The following MAOA variants were observed in gnomAD, a reference collection of about 807,000 sequenced individuals.
MAOA encodes the protein amine oxidase [flavin-containing] A.
In MAOA, 6 loss-of-function variants were observed where a neutral mutation model predicts 42.0. That is an observed-to-expected ratio of 0.14 (90% confidence interval 0.08 to 0.28). MAOA has a LOEUF of 0.28. Ranked by LOEUF, MAOA falls within the 10% of genes least tolerant of loss-of-function variation. MAOA has a pLI of 1.00. For missense variants in MAOA, 262 were observed against 422.3 expected (o/e 0.62, Z 3.33); for synonymous variants, 140 against 154.0 (o/e 0.91, Z 0.67).
At chrX:43,673,328 C>A (rs1569190487) in intron 1 of MAOA, among the ~76,000 whole-genome samples, 1 of 110,455 alleles carries the variant, frequency 9.1e-6, no homozygotes, top group African/African-American at 3.3e-5. Context: ...ATTCTTCTCT[C>A]TTTTTTTCTT....
intron 13 of MAOA, 57 bp downstream of exon 13, chrX:43,743,962 CT>C: frequency 8.5e-7 from 1 of 1,171,498 alleles, no homozygotes; most frequent in Non-Finnish European, 1.1e-6. Flanking sequence ...TTTTTGGCAT[CT>C]GGTCTTGCTA....
At chrX:43,696,735 C>CAA (rs752514840) in intron 3 of MAOA, among the ~76,000 whole-genome samples, 5 of 41,624 alleles carry the variant, frequency 1.2e-4, no homozygotes, top group Admixed American at 9.2e-4. Flanking sequence ...GACTCCGTCT[C>CAA]AAAAAAAAAA....
chrX:43,725,339 A>C (rs1327320137), intron 5 of MAOA, among the ~76,000 whole-genome samples: 1 of 111,938 alleles, frequency 8.9e-6, no homozygotes, highest in Non-Finnish European at 1.9e-5. Flanking sequence ...TTGCTTTACG[A>C]ACCTGGATGT....
intron 3 of MAOA, among the ~76,000 whole-genome samples, chrX:43,702,297 G>C (rs769179962): frequency 1.8e-5 from 2 of 111,984 alleles, no homozygotes; most frequent in East Asian, 5.6e-4. Context: ...CTGGGCCACA[G>C]AGTTTTAGTA....
At chrX:43,705,542 G>T (rs2033653071) in intron 3 of MAOA, among the ~76,000 whole-genome samples, 1 of 111,623 alleles carries the variant, frequency 9.0e-6, no homozygotes. Context: ...ATCTCTGTGA[G>T]TTAGGCAGTG....
In MAOA at chrX:43,711,994, T is replaced by C; in HGVS notation, c.411+18T>C. 9.6e-7 allele frequency: 1 copy of C among 1,041,883 alleles called. No homozygotes were observed. The highest frequency in any genetic ancestry group is 1.3e-6 in the Non-Finnish European group (1 of 740,945). The allele number at this position is 1,041,883 out of a possible 1,213,427, so 85.9% of individuals were successfully genotyped here. A position where few individuals can be genotyped will look rare whatever the true frequency, so the allele number is the denominator to read the frequency against. On this transcript the variant is annotated intron_variant, in intron 4 of 14. Transcript: ENST00000338702. The stretch of plus-strand genomic sequence containing the variant: ...GGAAGGAGGTAAAATGTGTGTTCAG[T>C]TTGCACATGACCCATTACTGAAATA...
intron 5 of MAOA, among the ~76,000 whole-genome samples, chrX:43,717,053 A>T (rs183808222): frequency 9.0e-6 from 1 of 110,617 alleles, no homozygotes; most frequent in Admixed American, 9.6e-5. Flanking sequence ...GGTATTTTCC[A>T]GGTATGACCC....
intron 6 of MAOA, among the ~76,000 whole-genome samples, chrX:43,729,198 C>T (rs1272233158): frequency 1.8e-5 from 2 of 112,401 alleles, no homozygotes; most frequent in African/African-American, 3.2e-5. Flanking sequence ...GACCCTTAGC[C>T]TTGACAAATG....
chrX:43,657,239 GAACTGTGTTTATA>G, intron 1 of MAOA, among the ~76,000 whole-genome samples: 3 of 79,667 alleles, frequency 3.8e-5, no homozygotes, highest in Non-Finnish European at 7.0e-5. Flanking sequence ...ATATATATAT[GAACTGTGTTTATA>G]TATATATATA....
chrX:43,687,208 A>G (rs1233107801), intron 2 of MAOA, among the ~76,000 whole-genome samples: 1 of 112,375 alleles, frequency 8.9e-6, no homozygotes, highest in African/African-American at 3.2e-5. Context: ...AGTAGAATAC[A>G]GTGTTACCGC....
Position 43,683,544 on chromosome X carries a change from T to C in MAOA, c.105T>C (p.Tyr35=). The C allele has an allele frequency of 1.7e-6, 2 of 1,211,097 alleles. No individual in the cohort carries two copies. The highest frequency in any genetic ancestry group is 2.2e-6 in the Non-Finnish European group (2 of 894,770). Residue 35 remains tyrosine (Y), a synonymous_variant, in exon 2 of 15, where the codon TAT becomes TAC. Coordinates refer to ENST00000338702, the MANE Select transcript of MAOA (RefSeq NM_000240.4). ...GLSAAKLLTE[Y]GVSVLVLEAR... ...CTGCTGCCAAACTCTTGACTGAATA[T>C]GGCGTTAGTGTTTTGGTTTTAGAAG...
intron 3 of MAOA, among the ~76,000 whole-genome samples, chrX:43,693,771 A>G (rs2033555340): frequency 9.9e-6 from 1 of 101,440 alleles, no homozygotes; most frequent in Admixed American, 1.0e-4. Flanking sequence ...GGTGCCTGCA[A>G]CAGACATGTA....
At chrX:43,683,636 G>A (rs1374528922) in intron 2 of MAOA, 29 bp downstream of exon 2, 5 of 1,082,604 alleles carry the variant, frequency 4.6e-6, no homozygotes, top group Non-Finnish European at 5.1e-6. Flanking sequence ...TACATGTAAT[G>A]TAATATCTCA....
At chrX:43,676,152 G>T (rs920002329) in intron 1 of MAOA, among the ~76,000 whole-genome samples, 1 of 112,014 alleles carries the variant, frequency 8.9e-6, no homozygotes, top group African/African-American at 3.2e-5. Flanking sequence ...GCAATGGCGG[G>T]TGCCCCTCCC....
intron 5 of MAOA, among the ~76,000 whole-genome samples, chrX:43,715,419 G>T (rs772969914): frequency 9.0e-6 from 1 of 111,046 alleles, no homozygotes; most frequent in South Asian, 3.9e-4. Context: ...GGGCTTGTTT[G>T]CAGGCATGGT....
chrX:43,721,150 T>C (rs1297598976), intron 5 of MAOA, among the ~76,000 whole-genome samples: 1 of 110,980 alleles, frequency 9.0e-6, no homozygotes, highest in Non-Finnish European at 1.9e-5. Flanking sequence ...AAGAATGGTA[T>C]CTTTCAAGAA....
chrX:43,664,727 G>C (rs898922915), intron 1 of MAOA, among the ~76,000 whole-genome samples: 1 of 111,775 alleles, frequency 8.9e-6, no homozygotes, highest in Non-Finnish European at 1.9e-5. Context: ...GTGCATCACT[G>C]TATGCCTTGA....
At chrX:43,738,726 G>A (rs1266268204) in intron 10 of MAOA, among the ~76,000 whole-genome samples, 2 of 111,306 alleles carry the variant, frequency 1.8e-5, no homozygotes, top group Non-Finnish European at 3.8e-5. Flanking sequence ...AGGCTGAGGC[G>A]AGAGGATCAC....
chrX:43,695,376 A>C (rs2033569805), intron 3 of MAOA, among the ~76,000 whole-genome samples: 1 of 111,814 alleles, frequency 8.9e-6, no homozygotes, highest in Admixed American at 9.5e-5. Flanking sequence ...AAAAAACTGG[A>C]AATTTACAAG....
Sources: allele counts gnomAD v4.1 joint callset (sites outside exome capture counted in the v4.1 genomes callset), GRCh38; gene constraint gnomAD v4.1.1; transcripts MANE v1.5; gene names NCBI Gene and HGNC (gene_info 2026-07-23, HGNC 2026-07-21).